The following POLG variants were observed in gnomAD, a reference collection of about 807,000 sequenced individuals.
POLG encodes DNA polymerase subunit gamma-1.
Under a neutral mutation model 155.4 loss-of-function variants are expected in POLG, and 110 were observed. The ratio of observed to expected loss-of-function variants is 0.71; its 90% CI spans 0.61 to 0.83. The LOEUF (loss-of-function observed/expected upper bound fraction) is 0.83. Among genes scored for constraint, POLG ranks in the 40% least tolerant of loss-of-function variants. The pLI is 0.00. For missense variants in POLG, 1,685 were observed against 1,627.5 expected (o/e 1.04, Z -0.61); for synonymous variants, 701 against 631.5 (o/e 1.11, Z -1.65).
chr15:89,319,440 CTT>C, intron 18 of POLG, 90 bp from the exon 19 acceptor site: 1 of 1,543,834 alleles, frequency 6.5e-7, no homozygotes, highest in South Asian at 1.1e-5. Context: ...ATCACTTCAA[CTT>C]TTAAAAACAC....
chr15:89,318,298 T>C (rs1054847227), intron 21 of POLG, among the ~76,000 whole-genome samples: 2 of 152,364 alleles, frequency 1.3e-5, no homozygotes, highest in East Asian at 1.9e-4. Context: ...ACCTCACTGC[T>C]TCCCTCAATG....
At chr15:89,330,043 C>A (rs748673534) in intron 3 of POLG, 38 bp downstream of exon 3, 10 of 1,544,178 alleles carry the variant, frequency 6.5e-6, no homozygotes, top group Non-Finnish European at 9.0e-6. Context: ...CCTGGCCCAT[C>A]CCATGCCAGA....
Position 89,319,068 on chromosome 15 carries a change from C to T in POLG, c.3136G>A (p.Glu1046Lys). 1.9e-6 allele frequency: 3 copies of T among 1,614,162 alleles called. No homozygotes were observed. Among genetic ancestry groups the T allele is most frequent in the Non-Finnish European group, 2.5e-6 (3 of 1,180,024 alleles). The change falls in exon 20 of 23, where the codon GAA (glutamate) becomes AAA (lysine). Residue 1046 changes from glutamate (E) to lysine (K), a missense_variant. Physicochemically the swap from Glu to Lys is moderately conservative, Grantham distance 56. Transcript: ENST00000268124. The stretch of plus-strand genomic sequence containing the variant: ...TCTGTGCCCCCCTTCCATGCCCGTT[C>T]AGCAACCACCTCCCACTTCTTCCAC... Reference protein sequence around the residue: ...SQWKKWEVVAERAWKGGTESE... With the variant: ...SQWKKWEVVAKRAWKGGTESE...
chr15:89,334,191 G>A (rs1436403419), intron 1 of POLG, among the ~76,000 whole-genome samples: 1 of 152,216 alleles, frequency 6.6e-6, no homozygotes, highest in Admixed American at 6.5e-5. Context: ...CCCCGCTTCT[G>A]GCTCTCTCGA....
At chr15:89,327,491 C>A in intron 6 of POLG, 142 bp from the exon 7 acceptor site, 1 of 746,658 alleles carries the variant, frequency 1.3e-6, no homozygotes, top group Admixed American at 2.0e-5. Flanking sequence ...CCCAGCTCTA[C>A]TGTTACTCAT....
At position 89,319,227 on chromosome 15, in the gene POLG, C is replaced by T. The variant is rs138917386; in HGVS notation, c.3104+1G>A. ...ATCCTTAACACAAAGAAGGTTCTTA[C>T]TTCCTTGCAGTTTCTCTCTGGACCT... On this transcript the variant is annotated splice_donor_variant, in intron 19 of 22. Transcript: ENST00000268124. LOFTEE classifies it high-confidence loss of function. 9.9e-6 allele frequency: 16 copies of T among 1,614,086 alleles called. No homozygotes were observed. The African/African-American group carries it at 1.7e-4, about 18-fold the overall frequency.
At chr15:89,334,154 T>C in intron 1 of POLG, 1 of 325,780 alleles carries the variant, frequency 3.1e-6, no homozygotes, top group Non-Finnish European at 5.8e-6. Context: ...GAGAGCAGTA[T>C]CTGGAGTAGG....
chr15:89,330,100 C>G lies in POLG; in HGVS notation c.836G>C (p.Arg279Thr). ...HNVSFDRAHIREQYLIQGSRM... is the reference protein window; with the variant it reads ...HNVSFDRAHITEQYLIQGSRM... The stretch of plus-strand genomic sequence containing the variant: ...CCTTACCTGGATCAGGTACTGCTCC[C>G]TGATATGAGCTCGGTCAAAGGAAAC... Residue 279 changes from arginine (R) to threonine (T), a missense_variant, in exon 3 of 23, where the codon AGG becomes ACG. Transcript: ENST00000268124. 2.5e-6 allele frequency: 4 copies of G among 1,614,148 alleles called. No individual in the cohort carries two copies. In the South Asian group the frequency reaches 4.4e-5, roughly 18 times the overall value.
At chr15:89,332,197 T>C (rs1414438923) in intron 2 of POLG, 1 of 152,220 alleles carries the variant, frequency 6.6e-6, no homozygotes, top group Admixed American at 6.5e-5. Context: ...AGTTTTGCTC[T>C]TTTCAGCCAT....
chr15:89,325,241 AGTGAGT>A (rs1416729919), intron 10 of POLG, among the ~76,000 whole-genome samples: 2 of 104,650 alleles, frequency 1.9e-5, no homozygotes, highest in African/African-American at 4.6e-5. Context: ...TGAGAGAGTG[AGTGAGT>A]GAGAGAGAGA....
In POLG at chr15:89,328,803, C is replaced by A; in HGVS notation, c.1052G>T (p.Ser351Ile). 1 of 1,614,136 alleles carries A rather than the reference C, an allele frequency of 6.2e-7. No homozygotes were observed. The highest frequency in any genetic ancestry group is 8.5e-7 in the Non-Finnish European group (1 of 1,180,054). The part of the protein sequence containing the change: ...AISSWDWLDI[S>I]SVNSLAEVHR... ...CACCTCTGCCAGACTGTTGACACTG[C>A]TGATGTCCAGCCAGTCCCAGGATGA... Residue 351 changes from serine to isoleucine, a missense_variant, in exon 5 of 23, where the codon AGC (serine) becomes ATC (isoleucine). Physicochemically the swap from Ser to Ile is moderately radical, Grantham distance 142. Around this residue, in one of 3 missense-constraint regions of POLG, gnomAD observed 1,210 missense variants for 1,167.1 expected, o/e 1.04. Transcript: ENST00000268124.
chr15:89,331,138 A>G (rs1304813180), intron 2 of POLG, among the ~76,000 whole-genome samples: 1 of 116,566 alleles, frequency 8.6e-6, no homozygotes, highest in African/African-American at 4.1e-5. Context: ...TGCAACCTTT[A>G]TGGAAGGGAA....
chr15:89,330,097 TC>T lies in POLG; in HGVS notation c.838del (p.Glu280SerfsTer4). 1 of 1,614,070 alleles carries T rather than the reference TC, an allele frequency of 6.2e-7. No individual in the cohort carries two copies. The highest frequency in any genetic ancestry group is 8.5e-7 in the Non-Finnish European group (1 of 1,179,982). On this transcript the variant is annotated frameshift_variant, in exon 3 of 23. Transcript: ENST00000268124. LOFTEE classifies it high-confidence loss of function. ...GAACCTTACCTGGATCAGGTACTGC[TC>T]CCTGATATGAGCTCGGTCAAAGGAA... ...NVSFDRAHIR[E>X]QYLIQGSRMR...
At chr15:89,317,166 A>T (rs2055299241) in intron 22 of POLG, 1 of 615,934 alleles carries the variant, frequency 1.6e-6, no homozygotes, top group South Asian at 1.9e-5. Context: ...AGGTACAGGT[A>T]GAATATTTGA....
chr15:89,322,090 C>T, intron 14 of POLG, 75 bp from the exon 15 acceptor site: 3 of 1,329,410 alleles, frequency 2.3e-6, no homozygotes, highest in South Asian at 1.2e-5. Context: ...CCATGGCCCT[C>T]ACCTGCCCAC....
In POLG at chr15:89,333,596, T is replaced by TTGTTGCTGC. The variant is rs1555454333; in HGVS notation, c.158_159insGCAGCAACA (p.Gln53_Gln55dup). On this transcript the variant is annotated inframe_insertion, in exon 2 of 23. Transcript: ENST00000268124. ...GCACTTGCGGCTGCTGAGGCTGCTG[T>TTGTTGCTGC]TGCTGCTGCTGCTGCTGCTGCTGCT... is the stretch of plus-strand genomic sequence containing the variant. 1.3e-6 allele frequency: 2 copies of TTGTTGCTGC among 1,578,970 alleles called. No homozygotes were observed. The highest frequency in any genetic ancestry group is 1.4e-5 in the African/African-American group (1 of 73,572).
rs2055359797 is a variant in POLG at position 89,319,332 on chromosome 15, C to G, written c.3000G>C (p.Glu1000Asp). 1 of 1,614,138 alleles carries G rather than the reference C, an allele frequency of 6.2e-7. No homozygotes were observed. The highest frequency in any genetic ancestry group is 8.5e-7 in the Non-Finnish European group (1 of 1,180,028). ...KGLRWYRLSDEGEWLVRELNL... is the reference protein window; with the variant it reads ...KGLRWYRLSDDGEWLVRELNL... ...TCAACTCCCTCACCAGCCACTCGCC[C>G]TCATCCGACAGCCGATACCTGGGGG... is the stretch of plus-strand genomic sequence containing the variant. The change falls in exon 19 of 23, where the codon GAG becomes GAC. Residue 1000 changes from glutamate (E) to aspartate (D), a missense_variant. Glu to Asp is a conservative substitution (Grantham distance 45). Coordinates refer to ENST00000268124, the MANE Select transcript of POLG (RefSeq NM_002693.3).
intron 2 of POLG, among the ~76,000 whole-genome samples, chr15:89,331,182 C>T (rs2055589661): frequency 6.6e-6 from 1 of 152,214 alleles, no homozygotes; most frequent in African/African-American, 2.4e-5. Flanking sequence ...ATTCAACACA[C>T]ATAAAACTAA....
chr15:89,326,831 C>G, intron 8 of POLG, 81 bp downstream of exon 8: 1 of 1,609,594 alleles, frequency 6.2e-7, no homozygotes, highest in African/African-American at 1.3e-5. Flanking sequence ...CTGGAGCAAT[C>G]CTTTCGAAGG....
Sources: gnomAD v4.1 joint callset for allele counts (sites outside exome capture counted in the v4.1 genomes callset) on GRCh38, gnomAD v4.1.1 for gene constraint, gnomAD v4.1.1 regional missense constraint, MANE v1.5 for transcripts, NCBI Gene and HGNC (gene_info 2026-07-23, HGNC 2026-07-21) for gene names.